Variants in HACE1 observed in about 807,000 individuals in gnomAD.
HACE1 encodes the protein HECT domain and ankyrin repeat containing E3 ubiquitin protein ligase 1.
In HACE1, 73 loss-of-function variants were observed where a neutral mutation model predicts 118.4. The observed-to-expected ratio is 0.62, with a 90% CI of 0.51 to 0.75. HACE1 has a LOEUF of 0.75. HACE1 is among the 30% of genes least tolerant of loss of function. The pLI is 0.00. For missense variants in HACE1, 749 were observed against 1,102.2 expected (o/e 0.68, Z 4.54); for synonymous variants, 368 against 374.8 (o/e 0.98, Z 0.21).
intron 22 of HACE1, among the ~76,000 whole-genome samples, chr6:104,736,685 A>C (rs1412700627): frequency 1.3e-5 from 2 of 152,194 alleles, no homozygotes; most frequent in African/African-American, 4.8e-5. Flanking sequence ...TCTAAGCCAC[A>C]AAAACAATAT....
chr6:104,742,762 C>T (rs936263288), intron 22 of HACE1, among the ~76,000 whole-genome samples: 72 of 152,072 alleles, frequency 4.7e-4, no homozygotes, highest in Non-Finnish European at 7.8e-4. Flanking sequence ...GGCGATTCCT[C>T]AGGGATCTAG....
chr6:104,733,518 T>C (rs572072260), intron 22 of HACE1, among the ~76,000 whole-genome samples: 1 of 152,280 alleles, frequency 6.6e-6, no homozygotes, highest in South Asian at 2.1e-4. Context: ...TTATACAGTA[T>C]AAAATTACAG....
In HACE1 at chr6:104,859,893, G is replaced by C; in HGVS notation, c.-251C>G. ...CCTTTCCTGCAGCCCCCGCCGCCGC[G>C]TCCCTCCCGGGCTCGCGTGGCCTTC... On this transcript the variant is annotated 5_prime_UTR_variant, in exon 1 of 24. Transcript: ENST00000262903. 1 of 472,484 alleles carries C rather than the reference G, an allele frequency of 2.1e-6. No homozygotes were observed. Among genetic ancestry groups the C allele is most frequent in the Non-Finnish European group, 3.7e-6 (1 of 267,182 alleles). 29.3% of individuals were successfully genotyped at this position (472,484 alleles called of 1,614,324 possible).
chr6:104,800,705 C>G (rs1770234844), intron 7 of HACE1, among the ~76,000 whole-genome samples: 1 of 152,194 alleles, frequency 6.6e-6, no homozygotes, highest in South Asian at 2.1e-4. Flanking sequence ...AAAACTTAAT[C>G]TGTAGGTAAC....
intron 22 of HACE1, among the ~76,000 whole-genome samples, chr6:104,737,992 G>A (rs1272647636): frequency 6.6e-6 from 1 of 152,192 alleles, no homozygotes; most frequent in African/African-American, 2.4e-5. Context: ...AGAACGGGCA[G>A]ACTGCCTCAA....
intron 22 of HACE1, among the ~76,000 whole-genome samples, chr6:104,735,374 T>C (rs1335953582): frequency 6.6e-6 from 1 of 152,152 alleles, no homozygotes; most frequent in Non-Finnish European, 1.5e-5. Context: ...CACGCCTACA[T>C]GTAATCCCAG....
chr6:104,756,621 G>A (rs570003491), intron 19 of HACE1, among the ~76,000 whole-genome samples: 10 of 152,134 alleles, frequency 6.6e-5, no homozygotes, highest in South Asian at 2.1e-4. Flanking sequence ...AGCTCCCAGC[G>A]AGACTGACAC....
In HACE1 at chr6:104,809,122, T is replaced by G. The variant is rs565634432; in HGVS notation, c.617+2189A>C. Among the ~76,000 whole-genome samples, 4 of 152,336 alleles carry G rather than the reference T, an allele frequency of 2.6e-5. No individual in the cohort carries two copies. The South Asian group carries it at 8.3e-4, about 32-fold the overall frequency. On this transcript the variant is annotated intron_variant, in intron 7 of 23. Transcript: ENST00000262903. ...ATAAGATATTTTTCATAGTGATGCA[T>G]TCATTCAAAAACATCTACTATGCAT... is the stretch of plus-strand genomic sequence containing the variant.
chr6:104,740,296 A>AAG (rs1402334177), intron 22 of HACE1, among the ~76,000 whole-genome samples: 1 of 148,788 alleles, frequency 6.7e-6, no homozygotes. Flanking sequence ...AAGCTAGCAG[A>AAG]AGGCAAGAAA....
intron 12 of HACE1, 87 bp from the exon 13 acceptor site, chr6:104,784,572 C>A: frequency 1.1e-6 from 1 of 904,014 alleles, no homozygotes; most frequent in Non-Finnish European, 1.7e-6. Flanking sequence ...CTGAACTGGA[C>A]TGGCTTCTAA....
In HACE1 at chr6:104,793,248, T is replaced by C. The variant is rs906464293; in HGVS notation, c.924-1594A>G. On this transcript the variant is annotated intron_variant, in intron 10 of 23. Coordinates refer to ENST00000262903, the MANE Select transcript of HACE1 (RefSeq NM_020771.4). ...CGCCACTGCACTCCAGCCTGGGCGA[T>C]AGAGCGAGACTACATCTCAAAAAAA... Among the ~76,000 whole-genome samples, 16 of 128,926 alleles carry C rather than the reference T, an allele frequency of 1.2e-4. No homozygotes were observed. In the East Asian group the frequency reaches 1.5e-3, roughly 12 times the overall value. 84.6% of individuals were successfully genotyped at this position (128,926 alleles called of 152,430 possible).
intron 7 of HACE1, among the ~76,000 whole-genome samples, chr6:104,803,698 A>G (rs962533891): frequency 4.6e-5 from 7 of 152,230 alleles, no homozygotes; most frequent in African/African-American, 1.7e-4. Flanking sequence ...TAAACTAGGT[A>G]TTGATGGAAC....
chr6:104,854,436 T>C (rs921965286), intron 1 of HACE1, among the ~76,000 whole-genome samples: 1 of 152,128 alleles, frequency 6.6e-6, no homozygotes, highest in African/African-American at 2.4e-5. Flanking sequence ...GAAAGGTGAG[T>C]GGAAGTTACA....
At chr6:104,774,144 C>T (rs1330074266) in intron 17 of HACE1, among the ~76,000 whole-genome samples, 1 of 94,246 alleles carries the variant, frequency 1.1e-5, no homozygotes, top group East Asian at 2.5e-4. Flanking sequence ...GGCTGGAGTG[C>T]AGTGGCGGGA....
At chr6:104,754,212 C>G (rs532202731) in intron 19 of HACE1, among the ~76,000 whole-genome samples, 4 of 152,094 alleles carry the variant, frequency 2.6e-5, no homozygotes, top group Admixed American at 6.5e-5. Flanking sequence ...GAAAAAGGAA[C>G]AAAAAGGAAT....
chr6:104,776,197 A>G (rs766548858), intron 17 of HACE1, among the ~76,000 whole-genome samples: 10 of 152,236 alleles, frequency 6.6e-5, no homozygotes, highest in Non-Finnish European at 1.2e-4. Flanking sequence ...CTGAAAATAA[A>G]GTTAGTATAC....
At chr6:104,842,614 G>A (rs1007833009) in intron 5 of HACE1, among the ~76,000 whole-genome samples, 1 of 152,002 alleles carries the variant, frequency 6.6e-6, no homozygotes, top group South Asian at 2.1e-4. Flanking sequence ...AGCTCTCCAA[G>A]AATGAACACA....
chr6:104,758,445 A>C (rs189695310), intron 19 of HACE1, among the ~76,000 whole-genome samples: 56 of 152,312 alleles, frequency 3.7e-4, no homozygotes, highest in African/African-American at 1.3e-3. Flanking sequence ...TATCCAGCCA[A>C]ACTAAGCTTC....
At chr6:104,832,287 T>C (rs1379614500) in intron 6 of HACE1, among the ~76,000 whole-genome samples, 1 of 152,232 alleles carries the variant, frequency 6.6e-6, no homozygotes, top group East Asian at 1.9e-4. Flanking sequence ...AAAAATTTAG[T>C]ATGTTTGGCT....
Sources: allele counts gnomAD v4.1 joint callset (sites outside exome capture counted in the v4.1 genomes callset), GRCh38; gene constraint gnomAD v4.1.1; transcripts MANE v1.5; gene names NCBI Gene and HGNC (gene_info 2026-07-23, HGNC 2026-07-21).